The following ZCCHC4 variants were observed in gnomAD, a reference collection of about 807,000 sequenced individuals.
The protein encoded by ZCCHC4 is zinc finger CCHC-type containing 4.
A neutral mutation model predicts 67.7 loss-of-function variants in ZCCHC4; 54 were observed. The observed-to-expected ratio is 0.80, with a 90% CI of 0.64 to 1.00. The LOEUF is 1.00. Among genes scored for constraint, ZCCHC4 ranks in the 50% least tolerant of loss-of-function variants. The probability of loss-of-function intolerance (pLI) is 0.00; values close to 1 mark genes in which losing one functional copy is unlikely to be tolerated. For missense variants in ZCCHC4, 609 were observed against 617.0 expected (o/e 0.99, Z 0.14); for synonymous variants, 198 against 213.5 (o/e 0.93, Z 0.63).
Position 25,359,764 on chromosome 4 carries a change from G to A in ZCCHC4, c.1012-2095G>A, listed in dbSNP as rs867897817. 1.6e-4 allele frequency among the ~76,000 whole-genome samples: 24 copies of A among 152,322 alleles called. No individual in the cohort carries two copies. The highest frequency in any genetic ancestry group is 9.2e-4 in the Admixed American group (14 of 15,298). Reference sequence around the variant, plus strand: ...CCAAGCAGGAGAAGAATGTTTCTGCGCGACCTGGTCCCACCCTGGCACTCC... The same window carrying A: ...CCAAGCAGGAGAAGAATGTTTCTGCACGACCTGGTCCCACCCTGGCACTCC... On this transcript the variant is annotated intron_variant, in intron 8 of 12. Coordinates refer to ENST00000302874, the MANE Select transcript of ZCCHC4 (RefSeq NM_024936.3). The surrounding 1 kb of genome is among the most constrained non-coding windows in gnomAD (Gnocchi z 4.9).
At chr4:25,346,239 TAA>T (rs34624621) in intron 6 of ZCCHC4, among the ~76,000 whole-genome samples, 2 of 147,298 alleles carry the variant, frequency 1.4e-5, no homozygotes, top group East Asian at 2.0e-4. Flanking sequence ...AAAAGTTCTT[TAA>T]AAAAAAAAAG....
At chr4:25,363,430 G>T (rs1317017573) in intron 10 of ZCCHC4, among the ~76,000 whole-genome samples, 1 of 152,280 alleles carries the variant, frequency 6.6e-6, no homozygotes, top group South Asian at 2.1e-4. Context: ...GGACATCTTG[G>T]TTGTTTCCAA....
intron 5 of ZCCHC4, among the ~76,000 whole-genome samples, chr4:25,339,460 G>C (rs1194883695): frequency 2.0e-5 from 3 of 152,124 alleles, no homozygotes; most frequent in African/African-American, 7.2e-5. Flanking sequence ...ATTATCATCT[G>C]TCTTTTTGAA....
At chr4:25,358,096 T>C (rs1336570586) in intron 8 of ZCCHC4, among the ~76,000 whole-genome samples, 1 of 152,248 alleles carries the variant, frequency 6.6e-6, no homozygotes, top group Non-Finnish European at 1.5e-5. Flanking sequence ...AAGAAGCTAA[T>C]AGAAGTCATG....
intron 3 of ZCCHC4, among the ~76,000 whole-genome samples, chr4:25,331,050 C>T (rs1051581292): frequency 2.0e-5 from 3 of 152,148 alleles, no homozygotes; most frequent in African/African-American, 4.8e-5. Flanking sequence ...CTGGAGTGCT[C>T]AGCTCTGTCT....
intron 3 of ZCCHC4, among the ~76,000 whole-genome samples, chr4:25,317,689 A>G (rs1718330356): frequency 7.9e-6 from 1 of 126,616 alleles, no homozygotes; most frequent in South Asian, 2.9e-4. Flanking sequence ...CAGGTGACAG[A>G]GTGAGACGCT....
intron 5 of ZCCHC4, among the ~76,000 whole-genome samples, chr4:25,335,244 C>T (rs925754788): frequency 1.3e-5 from 2 of 152,112 alleles, no homozygotes; most frequent in Non-Finnish European, 2.9e-5. Context: ...GTCAGGAGTG[C>T]AAGACCAGCC....
chr4:25,314,026 T>TTTC lies in ZCCHC4; in HGVS notation c.128-18_128-17insCTT, dbSNP rs1296667476. 6.9e-7 allele frequency: 1 copy of TTTC among 1,459,464 alleles called. No homozygotes were observed. The allele number at this position is 1,459,464 out of a possible 1,614,324, so 90.4% of individuals were successfully genotyped here. A position where few individuals can be genotyped will look rare whatever the true frequency, so the allele number is the denominator to read the frequency against. On this transcript the variant is annotated intron_variant, in intron 1 of 12. Transcript: ENST00000302874. The stretch of plus-strand genomic sequence containing the variant: ...ACCATTACTTGACACTTTTTTTTTT[T>TTTC]TTTTCTATTCTGGAACTAGGACCCA...
chr4:25,321,713 A>G (rs1718594260), intron 3 of ZCCHC4, among the ~76,000 whole-genome samples: 1 of 151,280 alleles, frequency 6.6e-6, no homozygotes, highest in Non-Finnish European at 1.5e-5. Context: ...GGGGTTCTCA[A>G]TATATTGCCC....
At chr4:25,333,883 C>T (rs750124934) in intron 4 of ZCCHC4, 25 bp from the exon 5 acceptor site, 109 of 1,512,888 alleles carry the variant, frequency 7.2e-5, no homozygotes, top group Non-Finnish European at 9.6e-5. Context: ...TATCTTATTA[C>T]ATTTGCTTTC....
intron 5 of ZCCHC4, among the ~76,000 whole-genome samples, chr4:25,336,721 A>G (rs961170041): frequency 6.6e-6 from 1 of 152,170 alleles, no homozygotes; most frequent in African/African-American, 2.4e-5. Flanking sequence ...TCCTGACCTC[A>G]AGTGATCTAC....
rs1681103404 is a variant in ZCCHC4, at chr4:25,317,553, A to G, written c.329+2153A>G. ...ATGGTGAAATCCCATCTCCACTAAA[A>G]TTACAAAAATTAGCCAGGCGTAGTG... On this transcript the variant is annotated intron_variant, in intron 3 of 12. Coordinates refer to ENST00000302874, the MANE Select transcript of ZCCHC4 (RefSeq NM_024936.3). 1.3e-5 allele frequency among the ~76,000 whole-genome samples: 2 copies of G among 152,056 alleles called. 1 individual carries two copies. Among genetic ancestry groups the G allele is most frequent in the South Asian group, 4.2e-4 (2 of 4,800 alleles).
chr4:25,314,236 C>A, intron 2 of ZCCHC4, 72 bp downstream of exon 2: 3 of 943,842 alleles, frequency 3.2e-6, no homozygotes, highest in Admixed American at 2.1e-5. Context: ...ACGTGTAAAC[C>A]AATAAAAATA....
chr4:25,332,903 A>G (rs16877032), intron 3 of ZCCHC4, among the ~76,000 whole-genome samples: 11,752 of 152,212 alleles, frequency 0.077, 510 homozygotes, highest in South Asian at 0.11. Flanking sequence ...TGTTTGAGTA[A>G]TATATTATGT....
chr4:25,351,463 T>A, intron 7 of ZCCHC4, 126 bp from the exon 8 acceptor site: 1 of 639,994 alleles, frequency 1.6e-6, no homozygotes, highest in Non-Finnish European at 2.6e-6. Context: ...AAATATTTTC[T>A]GTTTTTGTAT....
chr4:25,362,155 T>C, intron 9 of ZCCHC4, 71 bp from the exon 10 acceptor site: 5 of 1,482,920 alleles, frequency 3.4e-6, no homozygotes. Context: ...TAATGAGTGC[T>C]TTGTAAAGTT....
chr4:25,363,993 C>T (rs1720852433), intron 10 of ZCCHC4, among the ~76,000 whole-genome samples: 1 of 152,170 alleles, frequency 6.6e-6, no homozygotes, highest in Non-Finnish European at 1.5e-5. Context: ...ATATTTTATG[C>T]ACTTTTCTAG....
At chr4:25,361,280 T>C (rs1282475459) in intron 8 of ZCCHC4, among the ~76,000 whole-genome samples, 1 of 152,240 alleles carries the variant, frequency 6.6e-6, no homozygotes, top group Non-Finnish European at 1.5e-5. Flanking sequence ...TGTGTTGTTG[T>C]GTGTTATGAA....
At chr4:25,360,570 G>T (rs527325091) in intron 8 of ZCCHC4, among the ~76,000 whole-genome samples, 1 of 152,370 alleles carries the variant, frequency 6.6e-6, no homozygotes, top group South Asian at 2.1e-4. Flanking sequence ...TGTGATGGAT[G>T]TGTTCATGGA....
Sources: gnomAD v4.1 joint callset for allele counts (sites outside exome capture counted in the v4.1 genomes callset) on GRCh38, gnomAD v4.1.1 for gene constraint, Gnocchi (gnomAD v3.1) non-coding constraint, MANE v1.5 for transcripts, NCBI Gene and HGNC (gene_info 2026-07-23, HGNC 2026-07-21) for gene names.